The following ABHD18 variants were observed in gnomAD, a reference collection of about 807,000 sequenced individuals.
The protein encoded by ABHD18 is cardiolipin-specific deacylase, mitochondrial.
ABHD18 carries 55 observed loss-of-function variants against 65.9 expected under a neutral mutation model. The ratio of observed to expected loss-of-function variants is 0.84; its 90% CI spans 0.67 to 1.05. The LOEUF is 1.05. Among genes scored for constraint, ABHD18 ranks in the 50% least tolerant of loss-of-function variants. ABHD18 has a pLI of 0.00. For missense variants in ABHD18, 533 were observed against 558.5 expected, an observed-to-expected ratio of 0.95 and a Z score of 0.46; for synonymous variants, 181 against 180.2, an observed-to-expected ratio of 1.00 and a Z score of -0.04.
intron 4 of ABHD18, among the ~76,000 whole-genome samples, chr4:127,990,799 A>G (rs1354705560): frequency 1.3e-5 from 2 of 152,172 alleles, no homozygotes; most frequent in African/African-American, 2.4e-5. Flanking sequence ...TAATTATACA[A>G]TAGTTGAAAA....
rs562381835 is a variant in ABHD18, at chr4:128,012,065, C to G, written c.470+365C>G. Among the ~76,000 whole-genome samples, 58 of 151,524 alleles carry G rather than the reference C, an allele frequency of 3.8e-4. No homozygotes were observed. The South Asian group carries it at 0.012, about 30-fold the overall frequency. On this transcript the variant is annotated intron_variant, in intron 7 of 12. Coordinates refer to ENST00000645843, the MANE Select transcript of ABHD18 (RefSeq NM_001358451.3). ...CGATCTCAGCTCACTGGAACCTCTG[C>G]CTCCTGGGTTCAAGCGATTCTCTGC...
At chr4:127,996,758 A>C (rs1243081581) in intron 4 of ABHD18, among the ~76,000 whole-genome samples, 1 of 152,170 alleles carries the variant, frequency 6.6e-6, no homozygotes, top group Admixed American at 6.6e-5. Flanking sequence ...ACCTACCCCC[A>C]GGAATGTATT....
chr4:127,993,379 G>C (rs935359965), intron 4 of ABHD18, among the ~76,000 whole-genome samples: 4 of 152,118 alleles, frequency 2.6e-5, no homozygotes, highest in African/African-American at 7.2e-5. Context: ...TTGACTTCCT[G>C]TCTCTGCAGT....
chr4:127,984,163 T>A (rs1749566899), intron 2 of ABHD18, among the ~76,000 whole-genome samples, 176 bp from the exon 3 acceptor site: 1 of 152,222 alleles, frequency 6.6e-6, no homozygotes, highest in Non-Finnish European at 1.5e-5. Context: ...AAAAAAGTGT[T>A]CAGTTTGGGA....
At chr4:128,013,880 G>A (rs1010580942) in intron 7 of ABHD18, among the ~76,000 whole-genome samples, 6 of 151,792 alleles carry the variant, frequency 4.0e-5, no homozygotes, top group African/African-American at 7.3e-5. Context: ...GAGGCAAACC[G>A]GTATACTATG....
intron 10 of ABHD18, among the ~76,000 whole-genome samples, chr4:128,022,809 G>C (rs1255493706): frequency 6.7e-6 from 1 of 150,160 alleles, no homozygotes. Context: ...TGTCGCCCAG[G>C]CTGGAGTGCA....
chr4:127,970,998 C>T (rs1006915984), intron 1 of ABHD18, among the ~76,000 whole-genome samples: 33 of 151,824 alleles, frequency 2.2e-4, no homozygotes, highest in African/African-American at 6.5e-4. Flanking sequence ...TTGCTTGAAC[C>T]TGGGAGGCGG....
chr4:128,017,067 G>A (rs902204673), intron 7 of ABHD18, among the ~76,000 whole-genome samples: 3 of 152,006 alleles, frequency 2.0e-5, no homozygotes, highest in Non-Finnish European at 2.9e-5. Context: ...ACAGGCATGC[G>A]CCACCATGCC....
At chr4:128,027,412 C>CA (rs1757530002) in intron 10 of ABHD18, among the ~76,000 whole-genome samples, 1 of 145,736 alleles carries the variant, frequency 6.9e-6, no homozygotes, top group South Asian at 2.2e-4. Context: ...TAATTTTTTT[C>CA]TTTTTTTTTT....
chr4:127,994,220 T>C (rs1301413043), intron 4 of ABHD18, among the ~76,000 whole-genome samples: 6 of 152,212 alleles, frequency 3.9e-5, no homozygotes, highest in African/African-American at 1.4e-4. Context: ...AAATAGCTCA[T>C]GAATTGTGAT....
At chr4:128,004,779 T>C (rs1291494143) in intron 4 of ABHD18, among the ~76,000 whole-genome samples, 2 of 148,972 alleles carry the variant, frequency 1.3e-5, no homozygotes, top group Admixed American at 6.7e-5. Context: ...GTTGTGGTGG[T>C]GTGTGCCTGT....
At position 127,982,141 on chromosome 4, in the gene ABHD18, T is replaced by C. The variant is rs1011780543; in HGVS notation, c.-17-798T>C. Among the ~76,000 whole-genome samples, 5 of 152,334 alleles carry C rather than the reference T, an allele frequency of 3.3e-5. No homozygotes were observed. In the South Asian group the frequency reaches 1.0e-3, roughly 32 times the overall value. ...ATAAGTATTTCTTAAAGCCCATTGA[T>C]GGAAATGCAGATTTCCTAAGATCTG... On this transcript the variant is annotated intron_variant, in intron 1 of 12. Transcript: ENST00000645843.
chr4:127,987,427 G>A (rs1420158762), intron 3 of ABHD18, among the ~76,000 whole-genome samples: 4 of 151,866 alleles, frequency 2.6e-5, no homozygotes, highest in Admixed American at 6.6e-5. Context: ...ATACATAAGA[G>A]GGTTGAGTGT....
At chr4:127,982,109 G>T (rs1053723636) in intron 1 of ABHD18, among the ~76,000 whole-genome samples, 1 of 152,112 alleles carries the variant, frequency 6.6e-6, no homozygotes, top group African/African-American at 2.4e-5. Flanking sequence ...AAAATCTGAA[G>T]CAATGGATAA....
intron 4 of ABHD18, among the ~76,000 whole-genome samples, chr4:128,006,511 A>G (rs1252561144): frequency 3.3e-5 from 5 of 152,184 alleles, no homozygotes; most frequent in African/African-American, 4.8e-5. Flanking sequence ...TCAGCAATTT[A>G]TTGACAGTGG....
chr4:127,989,590 A>G, intron 3 of ABHD18, 131 bp from the exon 4 acceptor site: 1 of 531,784 alleles, frequency 1.9e-6, no homozygotes, highest in East Asian at 3.0e-5. Flanking sequence ...GTACAGTGGC[A>G]TAAAAAGTTT....
intron 4 of ABHD18, among the ~76,000 whole-genome samples, chr4:128,007,630 A>G (rs1234541826): frequency 6.6e-6 from 1 of 150,650 alleles, no homozygotes; most frequent in African/African-American, 2.4e-5. Context: ...AATCCCAGCT[A>G]CTTGGGAGGC....
In ABHD18 at chr4:128,028,526, G is replaced by A. The variant is rs1231627834; in HGVS notation, c.853G>A (p.Ala285Thr). 2 of 1,607,702 alleles carry A rather than the reference G, an allele frequency of 1.2e-6. No individual in the cohort carries two copies. The highest frequency in any genetic ancestry group is 1.7e-5 in the Admixed American group (1 of 58,720). ...GTTTGTGAAACACTTCACTAGCAGT[G>A]CAGACAAGCTAACTAACCTTAATCT... ...QEFVKHFTSS[A>T]DKLTNLNLVS... The change falls in exon 11 of 13, where the codon GCA (alanine) becomes ACA (threonine). Residue 285 changes from alanine to threonine, a missense_variant. Ala to Thr is a moderately conservative substitution (Grantham distance 58, BLOSUM62 0). Around this residue, in one of 3 missense-constraint regions of ABHD18, gnomAD observed 220 missense variants for 226.8 expected, o/e 0.97. Transcript: ENST00000645843.
At position 128,038,683 on chromosome 4, in the gene ABHD18, GA is replaced by G. The variant is rs1481034719; in HGVS notation, c.*2871del. The G allele has an allele frequency of 6.6e-6, 1 of 152,078 alleles. No individual in the cohort carries two copies. The allele number at this position is 152,078 out of a possible 1,614,324, so 9.4% of individuals were successfully genotyped here. Reference sequence around the variant, plus strand: ...AGGTGGGGGGACCACCTGAGGTTGGGAGTTCGAGACTAGCCTGACCAATATG... The same window carrying G: ...AGGTGGGGGGACCACCTGAGGTTGGGGTTCGAGACTAGCCTGACCAATATG... On this transcript the variant is annotated 3_prime_UTR_variant, in exon 13 of 13. Transcript: ENST00000645843.
Sources: gnomAD v4.1 joint callset for allele counts (sites outside exome capture counted in the v4.1 genomes callset) on GRCh38, gnomAD v4.1.1 for gene constraint, gnomAD v4.1.1 regional missense constraint, MANE v1.5 for transcripts, NCBI Gene and HGNC (gene_info 2026-07-23, HGNC 2026-07-21) for gene names.